FGF13: variants seen among roughly 807,000 people sequenced by gnomAD.
FGF13 encodes the protein fibroblast growth factor 13.
FGF13 carries 2 observed loss-of-function variants against 19.5 expected under a neutral mutation model. The ratio of observed to expected loss-of-function variants is 0.10; its 90% confidence interval spans 0.04 to 0.32. FGF13 has a LOEUF of 0.32. Among genes scored for constraint, FGF13 ranks in the 10% least tolerant of loss-of-function variants. FGF13 has a pLI of 1.00. For missense variants in FGF13, 113 were observed against 192.7 expected (o/e 0.59, Z 2.45); for synonymous variants, 72 against 76.9 (o/e 0.94, Z 0.33).
chrX:138,724,221 A>T (rs1405454631), intron 1 of FGF13, among the ~76,000 whole-genome samples: 1 of 112,174 alleles, frequency 8.9e-6, no homozygotes, highest in Admixed American at 9.4e-5. Context: ...ATTGTATAAA[A>T]ATAGGTAGCA....
chrX:138,938,917 C>T (rs1454017694), intron 1 of FGF13, among the ~76,000 whole-genome samples: 3 of 111,055 alleles, frequency 2.7e-5, no homozygotes, highest in African/African-American at 6.6e-5. Context: ...GCTTCTTGTG[C>T]GGGACTGGGG....
chrX:138,928,317 T>C (rs1297362159), intron 1 of FGF13, among the ~76,000 whole-genome samples: 11 of 110,429 alleles, frequency 1.0e-4, no homozygotes, highest in Non-Finnish European at 1.7e-4. Context: ...TAAAATTAAA[T>C]AATTTAAATA....
intron 1 of FGF13, among the ~76,000 whole-genome samples, chrX:138,984,453 AAAG>A (rs2091977719): frequency 1.0e-5 from 1 of 99,097 alleles, no homozygotes; most frequent in African/African-American, 3.7e-5. Flanking sequence ...TAAGGAGGAG[AAAG>A]AGGAGAAGGA....
At chrX:139,154,526 C>T (rs2886973) in intron 1 of FGF13, among the ~76,000 whole-genome samples, 38,767 of 110,988 alleles carry the variant, frequency 0.35, 5,187 homozygotes, top group East Asian at 0.68. Flanking sequence ...ATGAGAGTCA[C>T]GTGTCCAGAA....
Position 138,913,182 on chromosome X carries a change from C to CTTTTTTTTTTTTTTTTT in FGF13, c.-112-48549_-112-48533dup, listed in dbSNP as rs35078012. 1.9e-4 allele frequency among the ~76,000 whole-genome samples: 7 copies of CTTTTTTTTTTTTTTTTT among 37,092 alleles called. 1 individual carries two copies. Among genetic ancestry groups the CTTTTTTTTTTTTTTTTT allele is most frequent in the African/African-American group, 8.7e-4 (7 of 8,007 alleles). The allele number at this position is 37,092 out of a possible 115,157, so 32.2% of individuals were successfully genotyped here. ...TGCACCTGGAAAGAAAAAGCATCTA[C>CTTTTTTTTTTTTTTTTT]TTTTTTTTTTTTTTTTTTTTTTTTT... is the stretch of plus-strand genomic sequence containing the variant. On this transcript the variant is annotated intron_variant, in intron 1 of 2. Coordinates refer to the FGF13 transcript ENST00000421460.
chrX:139,054,899 G>GTTGTGTTGTATTGTA (rs1556347171), intron 1 of FGF13, among the ~76,000 whole-genome samples: 4,668 of 98,685 alleles, frequency 0.047, 161 homozygotes, highest in Admixed American at 0.07. Flanking sequence ...GTTGTGTTGT[G>GTTGTGTTGTATTGTA]TTGTATTGTA....
chrX:138,985,660 T>A (rs1289053803), intron 1 of FGF13, among the ~76,000 whole-genome samples: 1 of 111,859 alleles, frequency 8.9e-6, no homozygotes, highest in Non-Finnish European at 1.9e-5. Context: ...CTAACAAATA[T>A]GAGTGATTAC....
At chrX:139,032,377 T>C (rs2092230410) in intron 1 of FGF13, among the ~76,000 whole-genome samples, 2 of 111,559 alleles carry the variant, frequency 1.8e-5, no homozygotes, top group South Asian at 3.8e-4. Flanking sequence ...CTTCAGAATA[T>C]ACCTATAGGG....
chrX:139,163,438 T>C (rs1375306607), intron 1 of FGF13, among the ~76,000 whole-genome samples: 2 of 110,999 alleles, frequency 1.8e-5, no homozygotes, highest in Non-Finnish European at 3.8e-5. Flanking sequence ...AAATACCTAA[T>C]GTAGATGACA....
intron 3 of FGF13, among the ~76,000 whole-genome samples, chrX:138,645,437 A>G (rs2089296475): frequency 8.9e-6 from 1 of 111,997 alleles, no homozygotes; most frequent in Non-Finnish European, 1.9e-5. Flanking sequence ...TGAAGAGCTC[A>G]GCTCAAAGTT....
rs189804626 is a variant in FGF13 at position 139,089,984 on chromosome X, G to A, written c.-113+113432C>T. Among the ~76,000 whole-genome samples, 25 of 111,677 alleles carry A rather than the reference G, an allele frequency of 2.2e-4. No individual in the cohort carries two copies. The East Asian group carries it at 5.1e-3, about 23-fold the overall frequency. ...CACCCAAGTAACTGAGACTACAGGC[G>A]TAAGCCGCTGCACCTGGCTTTTAAC... On this transcript the variant is annotated intron_variant, in intron 1 of 2. Transcript: ENST00000421460.
intron 1 of FGF13, among the ~76,000 whole-genome samples, chrX:139,026,817 A>G (rs1255571547): frequency 9.0e-6 from 1 of 111,707 alleles, no homozygotes; most frequent in Non-Finnish European, 1.9e-5. Context: ...CTCTTCCCCA[A>G]ACTGTGACCC....
intron 3 of FGF13, among the ~76,000 whole-genome samples, chrX:138,654,141 T>G (rs2089408307): frequency 3.6e-5 from 4 of 111,562 alleles, no homozygotes; most frequent in Admixed American, 1.9e-4. Context: ...ATCTTTAAAA[T>G]GGGGAAAATA....
In FGF13 at chrX:139,006,932, A is replaced by C. The variant is rs924230767; in HGVS notation, c.-112-142282T>G. The stretch of plus-strand genomic sequence containing the variant: ...AAAGGAAGACAAAAAGGAAAGAAAG[A>C]AGCAAACACTACAAAACAACCAGAA... On this transcript the variant is annotated intron_variant, in intron 1 of 2. Transcript: ENST00000421460. 2.7e-5 allele frequency among the ~76,000 whole-genome samples: 3 copies of C among 111,847 alleles called. No individual in the cohort carries two copies. The Admixed American group carries it at 2.8e-4, about 11-fold the overall frequency.
intron 2 of FGF13, among the ~76,000 whole-genome samples, chrX:138,707,070 A>G (rs751276084): frequency 1.8e-5 from 2 of 112,185 alleles, no homozygotes; most frequent in South Asian, 7.5e-4. Context: ...TAAGACAACC[A>G]AAGGCAGAAG....
chrX:138,645,700 G>A (rs2089299940), intron 3 of FGF13, among the ~76,000 whole-genome samples: 1 of 112,213 alleles, frequency 8.9e-6, no homozygotes, highest in South Asian at 3.7e-4. Context: ...AAAACTGGTG[G>A]TGGTCAATAA....
At chrX:139,190,660 T>A (rs1347008660) in intron 1 of FGF13, among the ~76,000 whole-genome samples, 2 of 112,256 alleles carry the variant, frequency 1.8e-5, no homozygotes, top group Non-Finnish European at 3.8e-5. Flanking sequence ...AGCATGGTGA[T>A]TAAGGCTGCA....
intron 1 of FGF13, among the ~76,000 whole-genome samples, chrX:138,949,076 G>C (rs768113519): frequency 1.8e-4 from 20 of 111,568 alleles, no homozygotes; most frequent in Non-Finnish European, 3.0e-4. Flanking sequence ...ACCAAAGTTT[G>C]TGATCTTTTT....
chrX:138,691,452 C>T (rs751100239), intron 3 of FGF13, among the ~76,000 whole-genome samples: 9 of 111,611 alleles, frequency 8.1e-5, no homozygotes, highest in African/African-American at 2.9e-4. Flanking sequence ...GAAGTTTTTA[C>T]CTTTTCGAAT....
Sources: gnomAD v4.1 joint callset for allele counts (sites outside exome capture counted in the v4.1 genomes callset) on GRCh38, gnomAD v4.1.1 for gene constraint, MANE v1.5 for transcripts, NCBI Gene and HGNC (gene_info 2026-07-23, HGNC 2026-07-21) for gene names.